ZC3H14: variants seen among roughly 807,000 people sequenced by gnomAD.
ZC3H14 encodes the protein zinc finger CCCH domain-containing protein 14.
In ZC3H14, 31 loss-of-function variants were observed where a neutral mutation model predicts 92.4. The observed-to-expected ratio is 0.34, with a 90% confidence interval of 0.25 to 0.45. The LOEUF (loss-of-function observed/expected upper bound fraction) is 0.45. Ranked by LOEUF, ZC3H14 falls within the 20% of genes least tolerant of loss-of-function variation. The pLI, the probability that ZC3H14 is intolerant of heterozygous loss-of-function variation, is 1.00. For synonymous variants in ZC3H14, 321 were observed against 300.9 expected, an observed-to-expected ratio of 1.07 and a Z score of -0.69; for missense variants, 781 against 897.3, an observed-to-expected ratio of 0.87 and a Z score of 1.66.
Position 88,624,881 on chromosome 14 carries a change from T to C in ZC3H14, c.*13130T>C. Reference sequence around the variant, plus strand: ...GAGGAAGGTCGGAGAGGACACTCTGTGTAGCCTAGAAACAACTAGAATAAT... The same window carrying C: ...GAGGAAGGTCGGAGAGGACACTCTGCGTAGCCTAGAAACAACTAGAATAAT... On this transcript the variant is annotated 3_prime_UTR_variant, in exon 17 of 17. Transcript: ENST00000251038. The C allele has an allele frequency of 6.8e-7, 1 of 1,460,538 alleles. No homozygotes were observed. Among genetic ancestry groups the C allele is most frequent in the Non-Finnish European group, 9.3e-7 (1 of 1,077,258 alleles). The allele number at this position is 1,460,538 out of a possible 1,614,324, so 90.5% of individuals were successfully genotyped here.
In ZC3H14 at chr14:88,616,602, T is replaced by C. The variant is rs2087659066; in HGVS notation, c.*4851T>C. ...GCTTTTATTTCAAAGTAAATAGATT[T>C]AGAAAGTTTGGGGAAAAATTTAGAA... On this transcript the variant is annotated 3_prime_UTR_variant, in exon 17 of 17. Transcript: ENST00000251038. 1 of 982,628 alleles carries C rather than the reference T, an allele frequency of 1.0e-6. No individual in the cohort carries two copies. The highest frequency in any genetic ancestry group is 2.6e-5 in the East Asian group (1 of 37,956). 60.9% of individuals were successfully genotyped at this position (982,628 alleles called of 1,614,324 possible). A position where few individuals can be genotyped will look rare whatever the true frequency, so the allele number is the denominator to read the frequency against.
At chr14:88,608,566 C>A (rs576591445) in intron 13 of ZC3H14, 51 of 232,808 alleles carry the variant, frequency 2.2e-4, no homozygotes, top group South Asian at 1.5e-3. Context: ...GTGCCTCGGA[C>A]CTGTGAGATA....
Position 88,610,866 on chromosome 14 carries a change from G to T in ZC3H14, c.2130G>T (p.Pro710=). Residue 710 remains proline (P), a synonymous_variant, in exon 16 of 17, where the codon CCG becomes CCT. Transcript: ENST00000251038. ...HCRFNTQCTR[P]DCTFYHPTIN... is the part of the protein sequence containing the mutation. Reference sequence around the variant, plus strand: ...GGTTTAACACTCAATGTACAAGACCGGACTGCACATTCTACCATCCCACCA... The same window carrying T: ...GGTTTAACACTCAATGTACAAGACCTGACTGCACATTCTACCATCCCACCA... The T allele has an allele frequency of 6.2e-7, 1 of 1,614,032 alleles. No individual in the cohort carries two copies. Among genetic ancestry groups the T allele is most frequent in the Non-Finnish European group, 8.5e-7 (1 of 1,180,000 alleles).
Position 88,622,960 on chromosome 14 carries a change from G to T in ZC3H14, c.*11209G>T. 1 of 348,258 alleles carries T rather than the reference G, an allele frequency of 2.9e-6. No individual in the cohort carries two copies. The highest frequency in any genetic ancestry group is 7.3e-5 in the South Asian group (1 of 13,784). 21.6% of individuals were successfully genotyped at this position (348,258 alleles called of 1,614,324 possible). On this transcript the variant is annotated 3_prime_UTR_variant, in exon 17 of 17. Transcript: ENST00000251038. Reference sequence around the variant, plus strand: ...GAAATACTCTTTTTTTCTGACATGAGCATAATTTTATTTAGCCTCTACAAT... The same window carrying T: ...GAAATACTCTTTTTTTCTGACATGATCATAATTTTATTTAGCCTCTACAAT...
intron 2 of ZC3H14, among the ~76,000 whole-genome samples, chr14:88,564,295 T>C (rs899218657): frequency 6.6e-6 from 1 of 152,214 alleles, no homozygotes; most frequent in Non-Finnish European, 1.5e-5. Context: ...CTTTATTCTT[T>C]TATAATTTGA....
intron 10 of ZC3H14, among the ~76,000 whole-genome samples, chr14:88,598,424 C>T (rs1176966908): frequency 6.6e-6 from 1 of 152,140 alleles, no homozygotes; most frequent in East Asian, 1.9e-4. Flanking sequence ...CTGGGGGAGG[C>T]ACCTCACCAT....
intron 10 of ZC3H14, among the ~76,000 whole-genome samples, chr14:88,598,658 G>A (rs143715341): frequency 3.2e-4 from 49 of 152,310 alleles, no homozygotes; most frequent in Middle Eastern, 3.4e-3. Flanking sequence ...TGATTTTGTC[G>A]TAGCATCTTT....
At chr14:88,570,553 GTAA>G (rs1555396384) in intron 3 of ZC3H14, among the ~76,000 whole-genome samples, 1 of 152,072 alleles carries the variant, frequency 6.6e-6, no homozygotes, top group Non-Finnish European at 1.5e-5. Context: ...TTAAATGGTG[GTAA>G]TAATAAGCAA....
At chr14:88,578,405 T>C (rs1486463196) in intron 9 of ZC3H14, among the ~76,000 whole-genome samples, 5 of 152,132 alleles carry the variant, frequency 3.3e-5, no homozygotes, top group Middle Eastern at 3.2e-3. Context: ...GCATCCTTAG[T>C]AGCTGGAGGT....
chr14:88,577,469 A>G (rs780369110), intron 8 of ZC3H14, among the ~76,000 whole-genome samples: 1 of 152,014 alleles, frequency 6.6e-6, no homozygotes, highest in Non-Finnish European at 1.5e-5. Context: ...TTGTTTACAT[A>G]TGTTTGGATA....
chr14:88,563,466 CGGGGCT>C lies in ZC3H14; in HGVS notation c.37-176_37-171del, dbSNP rs987257313. ...GATCCGCTGCGGGAGGTGGGCGCCG[CGGGGCT>C]GGGGCTGGAGCTGGAGTGGGGTGCG... On this transcript the variant is annotated intron_variant, in intron 1 of 16. Coordinates refer to ENST00000251038, the MANE Select transcript of ZC3H14 (RefSeq NM_024824.5). 5.5e-5 allele frequency: 80 copies of C among 1,442,056 alleles called. 1 individual carries two copies. The African/African-American group carries it at 1.0e-3, about 18-fold the overall frequency. 89.3% of individuals were successfully genotyped at this position (1,442,056 alleles called of 1,614,324 possible).
At position 88,626,406 on chromosome 14, in the gene ZC3H14, AGCT is replaced by A. The variant is rs1403834910; in HGVS notation, c.*14656_*14658del. The A allele has an allele frequency of 6.1e-6, 1 of 163,690 alleles. No homozygotes were observed. Among genetic ancestry groups the A allele is most frequent in the East Asian group, 1.7e-4 (1 of 5,930 alleles). 10.1% of individuals were successfully genotyped at this position (163,690 alleles called of 1,614,324 possible). On this transcript the variant is annotated 3_prime_UTR_variant, in exon 17 of 17. Coordinates refer to ENST00000251038, the MANE Select transcript of ZC3H14 (RefSeq NM_024824.5). ...GGAGGTCAAGATGGGAGGATCACATAGCTTAGGAGCTTGAGACCACCTAGGCAA... is the reference window on the plus strand; with the variant it reads ...GGAGGTCAAGATGGGAGGATCACATATAGGAGCTTGAGACCACCTAGGCAA...
In ZC3H14 at chr14:88,622,895, A is replaced by G. The variant is rs1144913; in HGVS notation, c.*11144A>G. The G allele has an allele frequency of 0.39, 168,807 of 429,184 alleles. 38,004 individuals carry two copies. Among genetic ancestry groups the G allele is most frequent in the Middle Eastern group, 0.48 (792 of 1,656 alleles). The allele number at this position is 429,184 out of a possible 1,614,324, so 26.6% of individuals were successfully genotyped here. ...GCAATTTGAGGATATACTATATCTCAGTCAAAATAAACATCCAGTTTCAGT... is the reference window on the plus strand; with the variant it reads ...GCAATTTGAGGATATACTATATCTCGGTCAAAATAAACATCCAGTTTCAGT... On this transcript the variant is annotated 3_prime_UTR_variant, in exon 17 of 17. Transcript: ENST00000251038.
At chr14:88,590,292 A>G (rs2082959008) in intron 9 of ZC3H14, 1 of 152,326 alleles carries the variant, frequency 6.6e-6, no homozygotes, top group South Asian at 2.1e-4. Flanking sequence ...AAATTAGATC[A>G]TGCTACTTTG....
intron 3 of ZC3H14, among the ~76,000 whole-genome samples, chr14:88,570,240 T>C (rs944439998): frequency 2.0e-5 from 3 of 152,178 alleles, no homozygotes; most frequent in African/African-American, 7.2e-5. Flanking sequence ...CAGACTATTG[T>C]GATTATTTGG....
At position 88,622,833 on chromosome 14, in the gene ZC3H14, T is replaced by G. The variant is rs570487032; in HGVS notation, c.*11082T>G. Reference sequence around the variant, plus strand: ...TTTTTTTTAAAAAGGCCCTGATATTTATAATTTACCTCTAATATTCTTGTA... The same window carrying G: ...TTTTTTTTAAAAAGGCCCTGATATTGATAATTTACCTCTAATATTCTTGTA... On this transcript the variant is annotated 3_prime_UTR_variant, in exon 17 of 17. Coordinates refer to ENST00000251038, the MANE Select transcript of ZC3H14 (RefSeq NM_024824.5). 1 of 567,458 alleles carries G rather than the reference T, an allele frequency of 1.8e-6. No individual in the cohort carries two copies. Among genetic ancestry groups the G allele is most frequent in the East Asian group, 3.3e-5 (1 of 30,062 alleles). The allele number at this position is 567,458 out of a possible 1,614,324, so 35.2% of individuals were successfully genotyped here. A position where few individuals can be genotyped will look rare whatever the true frequency, so the allele number is the denominator to read the frequency against.
Position 88,572,839 on chromosome 14 carries a change from G to T in ZC3H14, c.693G>T (p.Arg231Ser). 6.2e-7 allele frequency: 1 copy of T among 1,614,152 alleles called. No individual in the cohort carries two copies. The highest frequency in any genetic ancestry group is 8.5e-7 in the Non-Finnish European group (1 of 1,180,024). ...RNADSGVHLN[R>S]LQFQQQQNSI... ...CAGATAGTGGTGTTCATTTAAACAG[G>T]TTGCAATTTCAACAGCAGCAGAATA... The change falls in exon 6 of 17, where the codon AGG (arginine) becomes AGT (serine). Residue 231 changes from arginine (R) to serine (S), a missense_variant. Around this residue, in one of 3 missense-constraint regions of ZC3H14, gnomAD observed 454 missense variants for 438.5 expected, o/e 1.04. Coordinates refer to ENST00000251038, the MANE Select transcript of ZC3H14 (RefSeq NM_024824.5).
rs758904558 is a variant in ZC3H14, at chr14:88,616,196, A to G, written c.*4445A>G. 2 of 1,613,952 alleles carry G rather than the reference A, an allele frequency of 1.2e-6. No homozygotes were observed. The highest frequency in any genetic ancestry group is 2.2e-5 in the South Asian group (2 of 91,082). ...ATGTCGATCACCACTGGTAAATCGA[A>G]TATTTGTCACATGGGGCGAATGACC... is the stretch of plus-strand genomic sequence containing the variant. On this transcript the variant is annotated 3_prime_UTR_variant, in exon 17 of 17. Transcript: ENST00000251038.
chr14:88,572,249 T>G (rs2080516578), intron 5 of ZC3H14, 24 bp downstream of exon 5: 3 of 1,610,416 alleles, frequency 1.9e-6, no homozygotes, highest in Non-Finnish European at 2.5e-6. Context: ...GTAGACCTGC[T>G]GGGGGCAGAT....
Sources: allele counts gnomAD v4.1 joint callset (sites outside exome capture counted in the v4.1 genomes callset), GRCh38; gene constraint gnomAD v4.1.1; regional missense constraint gnomAD v4.1.1; transcripts MANE v1.5; gene names NCBI Gene and HGNC (gene_info 2026-07-23, HGNC 2026-07-21).